TUT7: variants seen among roughly 807,000 people sequenced by gnomAD.
The protein encoded by TUT7 is terminal uridylyl transferase 7, also known as terminal uridylyltransferase 7.
Under a neutral mutation model 165.9 loss-of-function variants are expected in TUT7, and 33 were observed. The ratio of observed to expected loss-of-function variants is 0.20; its 90% CI spans 0.15 to 0.27. The LOEUF (loss-of-function observed/expected upper bound fraction) is 0.27, where lower values mean the gene tolerates loss of function less well. Ranked by LOEUF, TUT7 falls within the 10% of genes least tolerant of loss-of-function variation. The pLI is 1.00. For synonymous variants in TUT7, 552 were observed against 608.1 expected, an observed-to-expected ratio of 0.91 and a Z score of 1.36; for missense variants, 1,338 against 1,762.3, an observed-to-expected ratio of 0.76 and a Z score of 4.31.
chr9:86,349,916 C>T (rs1339549016), intron 2 of TUT7, among the ~76,000 whole-genome samples: 1 of 152,106 alleles, frequency 6.6e-6, no homozygotes, highest in Admixed American at 6.5e-5. Context: ...TTAAAAGCAA[C>T]TTCTTTAGTT....
At chr9:86,350,669 G>T (rs1832200085) in intron 2 of TUT7, among the ~76,000 whole-genome samples, 1 of 152,164 alleles carries the variant, frequency 6.6e-6, no homozygotes, top group African/African-American at 2.4e-5. Context: ...TTGTAAAACT[G>T]TGATTCCATT....
chr9:86,297,921 C>CT (rs59651352), intron 26 of TUT7, among the ~76,000 whole-genome samples: 119 of 86,462 alleles, frequency 1.4e-3, no homozygotes, highest in African/African-American at 2.3e-3. Context: ...GCCTGCTCCA[C>CT]TTTTTTTTTT....
Position 86,323,127 on chromosome 9 carries a change from T to C in TUT7, c.2623A>G (p.Asn875Asp), listed in dbSNP as rs376190058. 2.6e-5 allele frequency: 42 copies of C among 1,614,094 alleles called. No individual in the cohort carries two copies. Among genetic ancestry groups the C allele is most frequent in the Non-Finnish European group, 3.2e-5 (38 of 1,180,034 alleles). ...TAGGTGTTGTCTAACTCATCTTCATTAGCCATGCCATCTTCATCTTCCCTT... is the reference window on the plus strand; with the variant it reads ...TAGGTGTTGTCTAACTCATCTTCATCAGCCATGCCATCTTCATCTTCCCTT... ...NQREDEDGMA[N>D]EDELDNTYTG... The change falls in exon 13 of 27, where the codon AAT (asparagine) becomes GAT (aspartate). Residue 875 changes from asparagine (N) to aspartate (D), a missense_variant. Physicochemically the swap from Asn to Asp is conservative, Grantham distance 23. This residue lies in a region of TUT7 where 425 missense variants were observed against 474.9 expected (regional missense o/e 0.89). Transcript: ENST00000375963.
intron 6 of TUT7, among the ~76,000 whole-genome samples, chr9:86,341,664 T>C (rs965456353): frequency 6.6e-6 from 1 of 152,180 alleles, no homozygotes; most frequent in African/African-American, 2.4e-5. Context: ...TCCTTGAATA[T>C]GCCAAACTCT....
intron 17 of TUT7, among the ~76,000 whole-genome samples, chr9:86,312,187 C>G (rs1180780200): frequency 1.3e-5 from 2 of 151,886 alleles, no homozygotes; most frequent in Non-Finnish European, 2.9e-5. Flanking sequence ...GCGCCTCTTC[C>G]CGGCCGCCAT....
chr9:86,313,128 A>ATAAG (rs1828371003), intron 17 of TUT7, among the ~76,000 whole-genome samples: 2 of 56,954 alleles, frequency 3.5e-5, no homozygotes, highest in Admixed American at 3.3e-4. Flanking sequence ...ATGATCAATA[A>ATAAG]TAAATAAATA....
At chr9:86,299,484 A>G (rs188980046) in intron 26 of TUT7, among the ~76,000 whole-genome samples, 1 of 152,252 alleles carries the variant, frequency 6.6e-6, no homozygotes, top group East Asian at 1.9e-4. Flanking sequence ...ACTGCCACCA[A>G]AGGAAATTCC....
chr9:86,319,685 A>G lies in TUT7; in HGVS notation c.3029-15T>C, dbSNP rs754998787. 1.9e-6 allele frequency: 3 copies of G among 1,555,130 alleles called. No homozygotes were observed. Among genetic ancestry groups the G allele is most frequent in the Non-Finnish European group, 2.6e-6 (3 of 1,138,296 alleles). ...AGAAAAATCCTCTGTTTAAAAATAA[A>G]TAGACATATTGACAAAATAAGCCGG... On this transcript the variant is annotated splice_polypyrimidine_tract_variant and intron_variant, in intron 14 of 26. Transcript: ENST00000375963.
chr9:86,327,969 C>T (rs565310760), intron 11 of TUT7, among the ~76,000 whole-genome samples: 5 of 152,114 alleles, frequency 3.3e-5, no homozygotes, highest in Non-Finnish European at 5.9e-5. Context: ...AGTATGGGAC[C>T]GGTACATTAA....
rs1456291217 is a variant in TUT7, at chr9:86,301,500, G to A, written c.4196C>T (p.Thr1399Ile). Reference protein sequence around the residue: ...KEDKEIHNKYTEREVSTKEDK... With the variant: ...KEDKEIHNKYIEREVSTKEDK... Reference sequence around the variant, plus strand: ...TTCTTTTGTTGACACCTCCCTTTCTGTGTACTTGTTGTGAATTTCTTTGTC... The same window carrying A: ...TTCTTTTGTTGACACCTCCCTTTCTATGTACTTGTTGTGAATTTCTTTGTC... The change falls in exon 26 of 27, where the codon ACA (threonine) becomes ATA (isoleucine). Residue 1399 changes from threonine (T) to isoleucine (I), a missense_variant. This residue lies in a region of TUT7 where 167 missense variants were observed against 204.9 expected (regional missense o/e 0.82). Coordinates refer to ENST00000375963, the MANE Select transcript of TUT7 (RefSeq NM_024617.4). 6.2e-7 allele frequency: 1 copy of A among 1,613,916 alleles called. No homozygotes were observed. The highest frequency in any genetic ancestry group is 8.5e-7 in the Non-Finnish European group (1 of 1,179,990).
chr9:86,321,218 A>T (rs1194182842), intron 14 of TUT7, among the ~76,000 whole-genome samples: 2 of 151,322 alleles, frequency 1.3e-5, no homozygotes, highest in African/African-American at 4.9e-5. Flanking sequence ...TTAGCTGGAC[A>T]TGGTGGTGCA....
At chr9:86,333,049 G>A (rs960318922) in intron 10 of TUT7, among the ~76,000 whole-genome samples, 1 of 151,878 alleles carries the variant, frequency 6.6e-6, no homozygotes, top group Non-Finnish European at 1.5e-5. Flanking sequence ...CTCTTTCTGA[G>A]TAATTCTGGA....
At chr9:86,302,028 T>C (rs1190282506) in intron 25 of TUT7, among the ~76,000 whole-genome samples, 1 of 152,218 alleles carries the variant, frequency 6.6e-6, no homozygotes, top group Non-Finnish European at 1.5e-5. Flanking sequence ...TTAAGATTTA[T>C]GCTCTTAAAA....
intron 26 of TUT7, among the ~76,000 whole-genome samples, chr9:86,298,275 G>GT (rs2131286177): frequency 6.6e-6 from 1 of 152,298 alleles, no homozygotes; most frequent in East Asian, 1.9e-4. Flanking sequence ...GTTCACTGCT[G>GT]TATCTTCAGT....
In TUT7 at chr9:86,323,411, T is replaced by C. The variant is rs143857116; in HGVS notation, c.2339A>G (p.Asn780Ser). The change falls in exon 13 of 27, where the codon AAT becomes AGT. Residue 780 changes from asparagine (N) to serine (S), a missense_variant. By Grantham distance (46) the Asn-to-Ser change is conservative (BLOSUM62 1). Transcript: ENST00000375963. ...ATCCAAAGTGCTCTCTGACTCATTA[T>C]TACGTGTGCTGCCACAGACAACATG... ...GEHVVCGSTR[N>S]NESESTLDLE... 3.3e-4 allele frequency: 529 copies of C among 1,614,092 alleles called. No individual in the cohort carries two copies. Among genetic ancestry groups the C allele is most frequent in the Non-Finnish European group, 4.0e-4 (472 of 1,180,040 alleles).
intron 18 of TUT7, 53 bp from the exon 19 acceptor site, chr9:86,310,070 C>A: frequency 8.9e-7 from 1 of 1,117,320 alleles, no homozygotes; most frequent in Non-Finnish European, 1.2e-6. Flanking sequence ...TAAAGGGTCT[C>A]TTTTTTTTTT....
intron 14 of TUT7, among the ~76,000 whole-genome samples, chr9:86,321,239 T>C (rs1829264019): frequency 1.3e-5 from 2 of 151,132 alleles, no homozygotes; most frequent in South Asian, 4.2e-4. Context: ...TGACTGTAAT[T>C]CCAGCTACTC....
At position 86,328,403 on chromosome 9, in the gene TUT7, A is replaced by G. The variant is rs1040224616; in HGVS notation, c.1545T>C (p.Ala515=). The G allele has an allele frequency of 2.5e-6, 4 of 1,613,250 alleles. No individual in the cohort carries two copies. In the African/African-American group the frequency reaches 5.3e-5, roughly 22 times the overall value. Residue 515 remains alanine, a synonymous_variant, in exon 11 of 27, where the codon GCT becomes GCC. Coordinates refer to ENST00000375963, the MANE Select transcript of TUT7 (RefSeq NM_024617.4). ...CTTTTGTTATGCCTGTGTCCCCTGC[A>G]GCACTGTCAGTATGTTCCCAGATCA... is the stretch of plus-strand genomic sequence containing the variant. ...DVVIWEHTDS[A]AGDTGITKEE...
rs569948609 is a variant in TUT7 at position 86,341,517 on chromosome 9, T to G, written c.1087-464A>C. Reference sequence around the variant, plus strand: ...AACTCTCAATGACTTCTTACTGCCCTTAGGTCAAAACCAAATTCTTTATTT... The same window carrying G: ...AACTCTCAATGACTTCTTACTGCCCGTAGGTCAAAACCAAATTCTTTATTT... On this transcript the variant is annotated intron_variant, in intron 6 of 26. Transcript: ENST00000375963. Among the ~76,000 whole-genome samples, 10 of 152,300 alleles carry G rather than the reference T, an allele frequency of 6.6e-5. No homozygotes were observed. In the East Asian group the frequency reaches 1.9e-3, roughly 29 times the overall value.
Sources: allele counts gnomAD v4.1 joint callset (sites outside exome capture counted in the v4.1 genomes callset), GRCh38; gene constraint gnomAD v4.1.1; regional missense constraint gnomAD v4.1.1; transcripts MANE v1.5; gene names NCBI Gene and HGNC (gene_info 2026-07-23, HGNC 2026-07-21).